Variants in CTNNA3 observed in about 807,000 individuals in gnomAD.
The protein encoded by CTNNA3 is catenin alpha-3.
In CTNNA3, 76 loss-of-function variants were observed where a neutral mutation model predicts 95.7. The ratio of observed to expected loss-of-function variants is 0.79; its 90% confidence interval spans 0.66 to 0.96. CTNNA3 has a LOEUF of 0.96. Among genes scored for constraint, CTNNA3 ranks in the 40% least tolerant of loss-of-function variants. The probability of loss-of-function intolerance (pLI) is 0.00; values close to 1 mark genes in which losing one functional copy is unlikely to be tolerated. For synonymous variants in CTNNA3, 431 were observed against 374.4 expected (o/e 1.15, Z -1.74); for missense variants, 1,191 against 1,089.8 (o/e 1.09, Z -1.31).
chr10:67,414,078 C>G (rs1346608325), intron 5 of CTNNA3, among the ~76,000 whole-genome samples: 2 of 151,906 alleles, frequency 1.3e-5, no homozygotes, highest in Non-Finnish European at 2.9e-5. Context: ...AAAGAAATAA[C>G]TAAAATTAAA....
chr10:66,449,863 A>G (rs188422452), intron 11 of CTNNA3, among the ~76,000 whole-genome samples: 2 of 152,172 alleles, frequency 1.3e-5, no homozygotes, highest in East Asian at 1.9e-4. Context: ...GGATGGACAA[A>G]TGACAGTAAA....
chr10:67,236,427 C>T (rs984288675), intron 5 of CTNNA3, among the ~76,000 whole-genome samples: 79 of 149,954 alleles, frequency 5.3e-4, no homozygotes, highest in African/African-American at 1.2e-3. Flanking sequence ...AACAAAACAC[C>T]GCATATTCTC....
At chr10:67,124,685 T>C (rs1859630189) in intron 7 of CTNNA3, among the ~76,000 whole-genome samples, 1 of 152,224 alleles carries the variant, frequency 6.6e-6, no homozygotes, top group Non-Finnish European at 1.5e-5. Context: ...TATTAAGCTA[T>C]AATAAATTCG....
chr10:66,222,595 AGAAC>A (rs1382774674), intron 13 of CTNNA3, among the ~76,000 whole-genome samples: 5 of 144,986 alleles, frequency 3.4e-5, no homozygotes, highest in Admixed American at 7.0e-5. Context: ...AGAAAAAGAA[AGAAC>A]GAAAGAAAGA....
chr10:66,445,338 G>C (rs2093411422), intron 11 of CTNNA3, among the ~76,000 whole-genome samples: 1 of 152,026 alleles, frequency 6.6e-6, no homozygotes, highest in Admixed American at 6.6e-5. Context: ...GACATCTACA[G>C]AACTCTCCAC....
chr10:67,572,356 A>G (rs890470259), intron 3 of CTNNA3, among the ~76,000 whole-genome samples: 1 of 152,134 alleles, frequency 6.6e-6, no homozygotes, highest in Admixed American at 6.6e-5. Flanking sequence ...AGTGAATCGC[A>G]CCAGAATGAT....
chr10:67,212,959 G>A (rs1864196912), intron 6 of CTNNA3, among the ~76,000 whole-genome samples: 1 of 151,040 alleles, frequency 6.6e-6, no homozygotes, highest in Non-Finnish European at 1.5e-5. Flanking sequence ...TCATATAATG[G>A]ATTGAGAGCT....
intron 13 of CTNNA3, among the ~76,000 whole-genome samples, chr10:66,271,279 T>G (rs1175888670): frequency 1.3e-5 from 2 of 152,200 alleles, no homozygotes; most frequent in Non-Finnish European, 2.9e-5. Context: ...TTTCTAAAAT[T>G]CATCATTTTA....
intron 1 of CTNNA3, among the ~76,000 whole-genome samples, chr10:67,737,352 A>G (rs1841308342): frequency 6.6e-6 from 1 of 152,172 alleles, no homozygotes; most frequent in South Asian, 2.1e-4. Flanking sequence ...GAAAAGCAGT[A>G]CTAAGGGAGA....
intron 5 of CTNNA3, among the ~76,000 whole-genome samples, chr10:67,487,725 A>G (rs965801458): frequency 1.3e-5 from 2 of 152,200 alleles, no homozygotes; most frequent in African/African-American, 4.8e-5. Context: ...AGGGTCCAGC[A>G]GGTTGTCCCA....
At chr10:66,132,796 G>T (rs1330072831) in intron 13 of CTNNA3, among the ~76,000 whole-genome samples, 3 of 152,054 alleles carry the variant, frequency 2.0e-5, no homozygotes, top group Non-Finnish European at 4.4e-5. Flanking sequence ...ACTAATGCAG[G>T]AACCAAAAAC....
chr10:67,705,474 T>C (rs1295781852), intron 1 of CTNNA3, among the ~76,000 whole-genome samples: 4 of 149,888 alleles, frequency 2.7e-5, no homozygotes, highest in Non-Finnish European at 4.5e-5. Context: ...TCATGTCCTT[T>C]GTAGGGACAT....
chr10:67,478,419 G>C (rs1362904974), intron 5 of CTNNA3, among the ~76,000 whole-genome samples: 3 of 152,174 alleles, frequency 2.0e-5, no homozygotes, highest in Non-Finnish European at 4.4e-5. Context: ...AATCCCATCA[G>C]GCTAACAGCA....
At chr10:66,396,930 A>G (rs1014491368) in intron 11 of CTNNA3, among the ~76,000 whole-genome samples, 4 of 151,988 alleles carry the variant, frequency 2.6e-5, no homozygotes, top group Admixed American at 6.6e-5. Flanking sequence ...TAACAAACCA[A>G]TATAAGCTTT....
At chr10:66,174,743 T>C (rs1283318520) in intron 13 of CTNNA3, among the ~76,000 whole-genome samples, 1 of 152,126 alleles carries the variant, frequency 6.6e-6, no homozygotes, top group Non-Finnish European at 1.5e-5. Context: ...ATGGGGGTCC[T>C]GGAACCAATC....
chr10:67,167,966 C>G (rs1322422525), intron 7 of CTNNA3, among the ~76,000 whole-genome samples: 1 of 152,092 alleles, frequency 6.6e-6, no homozygotes, highest in African/African-American at 2.4e-5. Flanking sequence ...AACCCCATCT[C>G]TACTTAAAAA....
intron 2 of CTNNA3, among the ~76,000 whole-genome samples, chr10:67,608,032 A>G (rs1455259803): frequency 6.6e-6 from 1 of 152,216 alleles, no homozygotes; most frequent in East Asian, 1.9e-4. Flanking sequence ...CGGAGGGAAT[A>G]CAGTGAGAGA....
intron 7 of CTNNA3, among the ~76,000 whole-genome samples, chr10:67,021,804 G>A (rs910276991): frequency 1.1e-4 from 17 of 152,122 alleles, no homozygotes; most frequent in African/African-American, 4.1e-4. Flanking sequence ...TAGGACAATG[G>A]CAATCCAAAT....
chr10:67,357,771 A>G (rs992961157), intron 5 of CTNNA3, among the ~76,000 whole-genome samples: 5 of 152,094 alleles, frequency 3.3e-5, no homozygotes, highest in African/African-American at 1.2e-4. Context: ...AAGAACAATA[A>G]AGGGGTGAGG....
Sources: gnomAD v4.1 joint callset for allele counts (sites outside exome capture counted in the v4.1 genomes callset) on GRCh38, gnomAD v4.1.1 for gene constraint, MANE v1.5 for transcripts, NCBI Gene and HGNC (gene_info 2026-07-23, HGNC 2026-07-21) for gene names.